UNC45B: variants seen among roughly 807,000 people sequenced by gnomAD.
UNC45B encodes unc-45 myosin chaperone B.
In UNC45B, 78 loss-of-function variants were observed where a neutral mutation model predicts 98.7. The ratio of observed to expected loss-of-function variants is 0.79; its 90% CI spans 0.66 to 0.95. The LOEUF is 0.95. UNC45B is among the 40% of genes least tolerant of loss of function. The probability of loss-of-function intolerance (pLI) is 0.00; values close to 1 mark genes in which losing one functional copy is unlikely to be tolerated. For missense variants in UNC45B, 1,225 were observed against 1,184.9 expected, an observed-to-expected ratio of 1.03 and a Z score of -0.50; for synonymous variants, 462 against 480.4, an observed-to-expected ratio of 0.96 and a Z score of 0.50.
intron 14 of UNC45B, 43 bp from the exon 15 acceptor site, chr17:35,175,925 G>T (rs756991126): frequency 6.3e-7 from 1 of 1,589,550 alleles, no homozygotes; most frequent in South Asian, 1.1e-5. Context: ...CTGGGAAGGT[G>T]TGCTGGTGTA....
At chr17:35,161,996 G>A (rs988406770) in intron 8 of UNC45B, among the ~76,000 whole-genome samples, 5 of 152,246 alleles carry the variant, frequency 3.3e-5, no homozygotes, top group African/African-American at 1.2e-4. Context: ...TACCTGGAGA[G>A]GGCATGGAAG....
intron 2 of UNC45B, 142 bp downstream of exon 2, chr17:35,148,573 AC>A: frequency 1.1e-6 from 1 of 940,456 alleles, no homozygotes; most frequent in Non-Finnish European, 1.5e-6. Context: ...GGTGCCTCCA[AC>A]CCCCTGACCC....
chr17:35,173,174 G>A (rs1351423280), intron 13 of UNC45B, among the ~76,000 whole-genome samples: 2 of 148,504 alleles, frequency 1.3e-5, no homozygotes, highest in South Asian at 2.1e-4. Context: ...TCGCCCAGGC[G>A]GAGTGCAGTG....
rs144974689 is a variant in UNC45B at position 35,162,497 on chromosome 17, G to A, written c.980-1498G>A. 1.1e-3 allele frequency among the ~76,000 whole-genome samples: 170 copies of A among 152,202 alleles called. 2 individuals carry two copies. The highest frequency in any genetic ancestry group is 6.7e-3 in the Admixed American group (102 of 15,294). ...ATATGGGAAGATGGGTCTGTTGCCC[G>A]GGCTGGTCTCAAACTCCTGGGCTCA... On this transcript the variant is annotated intron_variant, in intron 8 of 19. Coordinates refer to ENST00000394570, the MANE Select transcript of UNC45B (RefSeq NM_001267052.2).
chr17:35,163,877 A>G, intron 8 of UNC45B, 118 bp from the exon 9 acceptor site: 1 of 1,182,456 alleles, frequency 8.5e-7, no homozygotes, highest in Non-Finnish European at 1.2e-6. Flanking sequence ...TGGATGAACC[A>G]CATGTTTTCT....
chr17:35,166,491 C>T (rs2092142301), intron 9 of UNC45B, among the ~76,000 whole-genome samples: 1 of 152,072 alleles, frequency 6.6e-6, no homozygotes, highest in East Asian at 1.9e-4. Flanking sequence ...CTTGTTTGGG[C>T]TTGTTGATTG....
chr17:35,149,740 A>T (rs1915672367), intron 3 of UNC45B, among the ~76,000 whole-genome samples: 1 of 151,994 alleles, frequency 6.6e-6, no homozygotes, highest in Non-Finnish European at 1.5e-5. Flanking sequence ...AGGAGGAGGG[A>T]GCTCCCCACT....
chr17:35,168,557 T>G (rs978920106), intron 10 of UNC45B, among the ~76,000 whole-genome samples, 196 bp downstream of exon 10: 5 of 152,164 alleles, frequency 3.3e-5, no homozygotes, highest in African/African-American at 1.2e-4. Context: ...AACCGTGAAC[T>G]CTGCTGCTTA....
chr17:35,170,091 G>A (rs1309101854), intron 11 of UNC45B, 23 bp from the exon 12 acceptor site: 8 of 1,603,934 alleles, frequency 5.0e-6, no homozygotes, highest in South Asian at 3.3e-5. Flanking sequence ...CCCTTCCCAT[G>A]TGTGCTCCCT....
intron 17 of UNC45B, among the ~76,000 whole-genome samples, chr17:35,179,476 CA>C (rs1233330672): frequency 6.6e-6 from 1 of 152,138 alleles, no homozygotes; most frequent in African/African-American, 2.4e-5. Context: ...GCACTATTCA[CA>C]ATAGCAAAGA....
In UNC45B at chr17:35,150,053, G is replaced by C. The variant is rs777319850; in HGVS notation, c.211G>C (p.Asp71His). ...CCCCCGTCTCCCCTCGATAGCCATC[G>C]ACATCAACTCCTCGGACATCAAGGC... is the stretch of plus-strand genomic sequence containing the variant. ...QAASDASRAIDINSSDIKALY... is the reference protein window; with the variant it reads ...QAASDASRAIHINSSDIKALY... Residue 71 changes from aspartate (D) to histidine (H), a missense_variant, in exon 4 of 20, where the codon GAC becomes CAC. Coordinates refer to ENST00000394570, the MANE Select transcript of UNC45B (RefSeq NM_001267052.2). 16 of 1,602,428 alleles carry C rather than the reference G, an allele frequency of 1.0e-5. No homozygotes were observed. In the South Asian group the frequency reaches 1.3e-4, roughly 13 times the overall value.
intron 19 of UNC45B, among the ~76,000 whole-genome samples, 189 bp downstream of exon 19, chr17:35,183,771 G>T (rs920314383): frequency 6.6e-6 from 1 of 152,194 alleles, no homozygotes; most frequent in South Asian, 2.1e-4. Flanking sequence ...TCATTATTTG[G>T]TCTTCCCAAG....
At chr17:35,180,522 A>G (rs1232434384) in intron 17 of UNC45B, 37 bp from the exon 18 acceptor site, 18 of 1,566,540 alleles carry the variant, frequency 1.1e-5, no homozygotes, top group Non-Finnish European at 1.5e-5. Context: ...ACGGCAGAAG[A>G]CTCAAGGGTC....
intron 5 of UNC45B, among the ~76,000 whole-genome samples, chr17:35,153,788 A>G (rs947890966): frequency 6.6e-6 from 1 of 151,746 alleles, no homozygotes; most frequent in Non-Finnish European, 1.5e-5. Flanking sequence ...GAATTCTCTA[A>G]TCAGCCCTCT....
intron 2 of UNC45B, among the ~76,000 whole-genome samples, chr17:35,148,742 C>A (rs1275645661): frequency 6.6e-6 from 1 of 151,862 alleles, no homozygotes; most frequent in Non-Finnish European, 1.5e-5. Context: ...GGGCTTCATT[C>A]ATTAACTTGC....
intron 14 of UNC45B, among the ~76,000 whole-genome samples, chr17:35,175,175 G>T (rs989816014): frequency 6.6e-6 from 1 of 151,790 alleles, no homozygotes; most frequent in African/African-American, 2.4e-5. Context: ...AGGAAAGGAA[G>T]GAAGAGAAGT....
chr17:35,174,114 C>T, intron 13 of UNC45B, 128 bp from the exon 14 acceptor site: 5 of 1,339,604 alleles, frequency 3.7e-6, no homozygotes, highest in Non-Finnish European at 5.2e-6. Flanking sequence ...CCTGGCCAGG[C>T]CATGGACATC....
intron 6 of UNC45B, 118 bp from the exon 7 acceptor site, chr17:35,155,178 G>C: frequency 7.8e-7 from 1 of 1,284,338 alleles, no homozygotes; most frequent in Non-Finnish European, 1.1e-6. Flanking sequence ...TGGCTGCCTG[G>C]GCTGATTTCT....
At chr17:35,148,494 G>A in intron 2 of UNC45B, 63 bp downstream of exon 2, 2 of 1,554,128 alleles carry the variant, frequency 1.3e-6, no homozygotes, top group Non-Finnish European at 1.7e-6. Flanking sequence ...CTGAGTGGCA[G>A]CCCCTTCACC....
Sources: gnomAD v4.1 joint callset for allele counts (sites outside exome capture counted in the v4.1 genomes callset) on GRCh38, gnomAD v4.1.1 for gene constraint, MANE v1.5 for transcripts, NCBI Gene and HGNC (gene_info 2026-07-23, HGNC 2026-07-21) for gene names.